The following SLC7A7 variants were observed in gnomAD, a reference collection of about 807,000 sequenced individuals.
SLC7A7 encodes the protein solute carrier family 7 member 7.
SLC7A7 carries 39 observed loss-of-function variants against 47.9 expected under a neutral mutation model. The observed-to-expected ratio is 0.81, with a 90% CI of 0.63 to 1.06. SLC7A7 has a LOEUF of 1.06. Among genes scored for constraint, SLC7A7 ranks in the 50% least tolerant of loss-of-function variants. The pLI, the probability that SLC7A7 is intolerant of heterozygous loss-of-function variation, is 0.00. For synonymous variants in SLC7A7, 234 were observed against 242.8 expected (o/e 0.96, Z 0.34); for missense variants, 588 against 632.0 (o/e 0.93, Z 0.75).
At chr14:22,816,260 G>C (rs1442038545), upstream of SLC7A7, 1 of 154,444 alleles carries the variant, frequency 6.5e-6, no homozygotes, top group Non-Finnish European at 1.4e-5. Flanking sequence ...GGGAGGCTGA[G>C]GCAGGCGGAT....
intron 2 of SLC7A7, among the ~76,000 whole-genome samples, chr14:22,782,932 T>C (rs1379941284): frequency 1.4e-5 from 2 of 147,006 alleles, no homozygotes; most frequent in African/African-American, 5.0e-5. Flanking sequence ...CCAGCTAATT[T>C]GTTTTAATTT....
intron 2 of SLC7A7, among the ~76,000 whole-genome samples, chr14:22,806,845 G>A (rs2039218114): frequency 6.6e-6 from 1 of 151,442 alleles, no homozygotes; most frequent in South Asian, 2.1e-4. Flanking sequence ...GGCTTTACCT[G>A]TGAGAGCTCC....
At chr14:22,819,086 A>G (rs186607865), upstream of SLC7A7, among the ~76,000 whole-genome samples, 4 of 152,264 alleles carry the variant, frequency 2.6e-5, no homozygotes, top group East Asian at 7.7e-4. Flanking sequence ...AGGACAGCCA[A>G]TGGAGCCCCT....
At chr14:22,793,168 C>T (rs1327613151) in intron 2 of SLC7A7, among the ~76,000 whole-genome samples, 5 of 152,016 alleles carry the variant, frequency 3.3e-5, no homozygotes, top group Admixed American at 1.3e-4. Context: ...CCGCCCGCCT[C>T]GGCTTCCCAA....
intron 1 of SLC7A7, chr14:22,814,548 C>T (rs1404442937): frequency 2.6e-5 from 4 of 152,132 alleles, no homozygotes; most frequent in African/African-American, 7.2e-5. Context: ...TGCTATAATA[C>T]AAGACAGGCA....
chr14:22,787,333 G>A (rs1221199129), intron 2 of SLC7A7, among the ~76,000 whole-genome samples: 1 of 152,176 alleles, frequency 6.6e-6, no homozygotes, highest in Non-Finnish European at 1.5e-5. Flanking sequence ...CTACTCGGGA[G>A]GCTGAGGCAG....
At chr14:22,782,465 T>TTTATTTTA (rs1555321916) in intron 2 of SLC7A7, among the ~76,000 whole-genome samples, 5 of 150,118 alleles carry the variant, frequency 3.3e-5, no homozygotes, top group Non-Finnish European at 4.4e-5. Flanking sequence ...TATTTATTTA[T>TTTATTTTA]TTTATTTATT....
chr14:22,792,081 C>T (rs1176893514), intron 2 of SLC7A7, among the ~76,000 whole-genome samples: 4 of 152,056 alleles, frequency 2.6e-5, no homozygotes, highest in Non-Finnish European at 4.4e-5. Flanking sequence ...GTGATCCACC[C>T]GCCTTGGCCT....
chr14:22,815,962 T>C (rs908764541), upstream of SLC7A7: 6 of 295,668 alleles, frequency 2.0e-5, no homozygotes, highest in South Asian at 1.9e-4. Context: ...CTCTGCACAC[T>C]TCCCCATGCA....
chr14:22,784,243 A>C (rs1156662300), intron 2 of SLC7A7, among the ~76,000 whole-genome samples: 1 of 152,220 alleles, frequency 6.6e-6, no homozygotes, highest in African/African-American at 2.4e-5. Flanking sequence ...ATAAGAGGAT[A>C]ACCTGAAATC....
chr14:22,812,959 A>ATCTTCCC lies in SLC7A7; in HGVS notation c.439_440insGGGAAGA (p.Leu147ArgfsTer29). 1 of 1,613,958 alleles carries ATCTTCCC rather than the reference A, an allele frequency of 6.2e-7. No individual in the cohort carries two copies. The highest frequency in any genetic ancestry group is 8.5e-7 in the Non-Finnish European group (1 of 1,180,008). On this transcript the variant is annotated frameshift_variant, in exon 2 of 10. Transcript: ENST00000674313. LOFTEE classifies it high-confidence loss of function. ...ATAAGGGGCGAAGCAGCTCGGGAAG[A>ATCTTCCC]GAGGCTGTACCATGTAGTTGGCAAA...
chr14:22,815,515 G>A, upstream of SLC7A7: 1 of 454,338 alleles, frequency 2.2e-6, no homozygotes, highest in South Asian at 1.6e-5. Context: ...AGTGAGGGAG[G>A]GGGAAAGGAG....
chr14:22,819,351 T>C, upstream of SLC7A7, among the ~76,000 whole-genome samples: 1 of 147,700 alleles, frequency 6.8e-6, no homozygotes. Context: ...GCTCAGCTCC[T>C]CCCTCCCCAG....
chr14:22,784,454 C>T (rs2038777464), intron 2 of SLC7A7, among the ~76,000 whole-genome samples: 1 of 152,086 alleles, frequency 6.6e-6, no homozygotes, highest in Non-Finnish European at 1.5e-5. Context: ...CCTGTCTCTA[C>T]TAAAAATACA....
At chr14:22,816,800 A>G (rs2039412858), upstream of SLC7A7, among the ~76,000 whole-genome samples, 1 of 152,118 alleles carries the variant, frequency 6.6e-6, no homozygotes, top group Non-Finnish European at 1.5e-5. Flanking sequence ...CATCTCTACC[A>G]TACATCCTCC....
chr14:22,788,602 G>A (rs1480741968), intron 2 of SLC7A7, among the ~76,000 whole-genome samples: 1 of 151,674 alleles, frequency 6.6e-6, no homozygotes, highest in Non-Finnish European at 1.5e-5. Flanking sequence ...TACTCAGGAG[G>A]CTGAGGCAGG....
At chr14:22,802,814 C>A (rs905316381) in intron 2 of SLC7A7, among the ~76,000 whole-genome samples, 3 of 152,092 alleles carry the variant, frequency 2.0e-5, no homozygotes, top group African/African-American at 7.2e-5. Flanking sequence ...TGAATAAATT[C>A]TAAAACCCTA....
intron 2 of SLC7A7, among the ~76,000 whole-genome samples, chr14:22,811,666 A>G (rs2039307251): frequency 6.6e-6 from 1 of 152,096 alleles, no homozygotes; most frequent in African/African-American, 2.4e-5. Flanking sequence ...CCTGGCCAAC[A>G]CAGTGAAACC....
rs557803299 is a variant in SLC7A7 at position 22,795,514 on chromosome 14, G to A, written c.500-15463C>T. Among the ~76,000 whole-genome samples the A allele has an allele frequency of 4.1e-5, 6 of 147,178 alleles. 1 individual carries two copies. Among genetic ancestry groups the A allele is most frequent in the African/African-American group, 1.3e-4 (5 of 39,656 alleles). ...AATTGAGACAGAGTCTCACTCTGTC[G>A]CCCAGGCTGGAGTGCAGTGGTGCAA... On this transcript the variant is annotated intron_variant, in intron 2 of 9. Transcript: ENST00000674313.
Sources: gnomAD v4.1 joint callset for allele counts (sites outside exome capture counted in the v4.1 genomes callset) on GRCh38, gnomAD v4.1.1 for gene constraint, MANE v1.5 for transcripts, NCBI Gene and HGNC (gene_info 2026-07-23, HGNC 2026-07-21) for gene names.